Variants in CACNA1C observed in about 807,000 individuals in gnomAD.
CACNA1C encodes the protein calcium voltage-gated channel subunit alpha1 C.
A neutral mutation model predicts 229.0 loss-of-function variants in CACNA1C; 30 were observed. The observed-to-expected ratio is 0.13, with a 90% CI of 0.10 to 0.18. The LOEUF (loss-of-function observed/expected upper bound fraction) is 0.18. CACNA1C is among the 10% of genes least tolerant of loss of function. The pLI, the probability that CACNA1C is intolerant of heterozygous loss-of-function variation, is 1.00. For missense variants in CACNA1C, 1,658 were observed against 2,845.0 expected, an observed-to-expected ratio of 0.58 and a Z score of 9.49; for synonymous variants, 1,114 against 1,132.5, an observed-to-expected ratio of 0.98 and a Z score of 0.33.
At chr12:2,579,876 G>A (rs1345764690) in intron 13 of CACNA1C, among the ~76,000 whole-genome samples, 1 of 152,196 alleles carries the variant, frequency 6.6e-6, no homozygotes, top group East Asian at 1.9e-4. Flanking sequence ...ATAGGCATGA[G>A]CCACCACCAT....
intron 1 of CACNA1C, among the ~76,000 whole-genome samples, chr12:2,110,195 G>A (rs758012918): frequency 3.3e-5 from 5 of 152,228 alleles, no homozygotes; most frequent in African/African-American, 4.8e-5. Context: ...AATGACACGA[G>A]GCTGGCCAGA....
chr12:2,629,956 C>T (rs903383659), intron 29 of CACNA1C, among the ~76,000 whole-genome samples: 2 of 152,338 alleles, frequency 1.3e-5, no homozygotes, highest in East Asian at 1.9e-4. Context: ...AGAGGCCCAT[C>T]TTATGAACAC....
chr12:2,596,908 A>G (rs1371153125), intron 20 of CACNA1C, among the ~76,000 whole-genome samples: 1 of 152,124 alleles, frequency 6.6e-6, no homozygotes, highest in African/African-American at 2.4e-5. Context: ...TTTGTAAGTA[A>G]ATTGGATTAA....
At chr12:2,084,906 CGTT>C (rs1321240757) in intron 1 of CACNA1C, among the ~76,000 whole-genome samples, 5 of 152,126 alleles carry the variant, frequency 3.3e-5, no homozygotes, top group South Asian at 2.1e-4. Flanking sequence ...TATTTCATCT[CGTT>C]AGTGTGGACC....
intron 45 of CACNA1C, among the ~76,000 whole-genome samples, chr12:2,687,193 C>A (rs2097545462): frequency 6.6e-6 from 1 of 152,202 alleles, no homozygotes; most frequent in African/African-American, 2.4e-5. Context: ...ACCCAGGAGC[C>A]CCAGGCTGAG....
In CACNA1C at chr12:2,004,774, A is replaced by G. The variant is rs566648491; in HGVS notation, c.139+33573A>G. The G allele has an allele frequency of 5.1e-5, 14 of 274,132 alleles. No homozygotes were observed. The East Asian group carries it at 1.1e-3, about 22-fold the overall frequency. The allele number at this position is 274,132 out of a possible 1,614,324, so 17.0% of individuals were successfully genotyped here. ...TCTTGGATGTGTTCGACCCCTTGGC[A>G]TATCTTTTCTTTGGCGCTTCAGTGA... On this transcript the variant is annotated intron_variant, in intron 1 of 46. Coordinates refer to the CACNA1C transcript ENST00000682462.
intron 3 of CACNA1C, among the ~76,000 whole-genome samples, chr12:2,209,585 C>T (rs527785403): frequency 2.1e-4 from 32 of 152,182 alleles, no homozygotes; most frequent in Non-Finnish European, 3.4e-4. Context: ...ATAAAGAATC[C>T]GAATTATATT....
At position 2,678,866 on chromosome 12, in the gene CACNA1C, C is replaced by G. The variant is rs2096960506; in HGVS notation, c.5092-578C>G. On this transcript the variant is annotated intron_variant, in intron 41 of 46. Coordinates refer to ENST00000399655, the MANE Select transcript of CACNA1C (RefSeq NM_000719.7). This position sits in a 1 kb window ranked among gnomAD's most constrained non-coding sequence, Gnocchi z 4.1. ...CTTCCCCAGGACAAGGAAAAGAATA[C>G]TGGGGAAAAACATTGGCTCCTGGTT... 6.6e-6 allele frequency among the ~76,000 whole-genome samples: 1 copy of G among 152,214 alleles called. No homozygotes were observed. The highest frequency in any genetic ancestry group is 1.5e-5 in the Non-Finnish European group (1 of 68,036).
At chr12:2,070,581 A>G (rs2060812647) in intron 1 of CACNA1C, among the ~76,000 whole-genome samples, 1 of 152,190 alleles carries the variant, frequency 6.6e-6, no homozygotes, top group Non-Finnish European at 1.5e-5. Context: ...ATCTTTCTTC[A>G]GCAGTTTAAA....
At chr12:2,351,700 G>A (rs1252518629) in intron 3 of CACNA1C, among the ~76,000 whole-genome samples, 1 of 152,224 alleles carries the variant, frequency 6.6e-6, no homozygotes, top group Non-Finnish European at 1.5e-5. Flanking sequence ...CTGCCATGCT[G>A]CAGAAGGGAA....
intron 30 of CACNA1C, among the ~76,000 whole-genome samples, chr12:2,635,219 C>G (rs981008785): frequency 1.3e-5 from 2 of 152,148 alleles, no homozygotes; most frequent in East Asian, 1.9e-4. Context: ...CAGACAGCAC[C>G]CCAGCCTCTG....
chr12:2,265,726 G>A (rs1350406029), intron 3 of CACNA1C, among the ~76,000 whole-genome samples: 1 of 152,194 alleles, frequency 6.6e-6, no homozygotes, highest in Non-Finnish European at 1.5e-5. Flanking sequence ...GGATGAAGAC[G>A]CGGGGGCTCC....
intron 3 of CACNA1C, among the ~76,000 whole-genome samples, chr12:2,387,851 A>G (rs2098419484): frequency 6.6e-6 from 1 of 152,186 alleles, no homozygotes; most frequent in African/African-American, 2.4e-5. Flanking sequence ...TTTGGAAGCC[A>G]TTTTCAGGAG....
chr12:2,630,904 G>A lies in CACNA1C; in HGVS notation c.3829-3393G>A, dbSNP rs1161450500. Among the ~76,000 whole-genome samples, 2 of 152,112 alleles carry A rather than the reference G, an allele frequency of 1.3e-5. No individual in the cohort carries two copies. Among genetic ancestry groups the A allele is most frequent in the Non-Finnish European group, 2.9e-5 (2 of 68,016 alleles). On this transcript the variant is annotated intron_variant, in intron 29 of 46. Transcript: ENST00000399655. The surrounding 1 kb of genome is among the most constrained non-coding windows in gnomAD (Gnocchi z 5.4). ...AGCCCAGCCAGTGCCAATCCAGTGA[G>A]AGCCAGCGTGGAGCCATGGGAGGAG...
In CACNA1C at chr12:2,634,278, G is replaced by A; in HGVS notation, c.3829-19G>A. ...TTGGTTCTTCTTCTCTCTCTCCCCG[G>A]CTGCTCTGCCCCATGCAGCACTATT... On this transcript the variant is annotated intron_variant, in intron 29 of 46. Coordinates refer to ENST00000399655, the MANE Select transcript of CACNA1C (RefSeq NM_000719.7). 7.2e-7 allele frequency: 1 copy of A among 1,390,828 alleles called. No individual in the cohort carries two copies. Among genetic ancestry groups the A allele is most frequent in the East Asian group, 2.6e-5 (1 of 38,708 alleles). The allele number at this position is 1,390,828 out of a possible 1,614,324, so 86.2% of individuals were successfully genotyped here. A position where few individuals can be genotyped will look rare whatever the true frequency, so the allele number is the denominator to read the frequency against.
intron 11 of CACNA1C, among the ~76,000 whole-genome samples, chr12:2,557,928 G>A (rs1048368087): frequency 2.0e-5 from 3 of 152,232 alleles, no homozygotes; most frequent in South Asian, 4.1e-4. Context: ...GTGGACAGAT[G>A]TGTGCAGGGA....
Position 2,625,901 on chromosome 12 carries a change from TG to T in CACNA1C, c.3829-8395del, listed in dbSNP as rs1341171852. ...TGTGCCCAGGAGATGGAGGCTGCAA[TG>T]AAATATTATTGCAACACTGCACTCC... On this transcript the variant is annotated intron_variant, in intron 29 of 46. Coordinates refer to ENST00000399655, the MANE Select transcript of CACNA1C (RefSeq NM_000719.7). Among the ~76,000 whole-genome samples, 6 of 152,012 alleles carry T rather than the reference TG, an allele frequency of 3.9e-5. No homozygotes were observed. The East Asian group carries it at 1.2e-3, about 29-fold the overall frequency.
At chr12:2,617,148 CA>C (rs1306463997) in intron 29 of CACNA1C, among the ~76,000 whole-genome samples, 11 of 152,212 alleles carry the variant, frequency 7.2e-5, no homozygotes, top group Admixed American at 2.0e-4. Context: ...TCCGGTCCCC[CA>C]CCTGTTGTCC....
At chr12:2,626,920 T>C (rs943584964) in intron 29 of CACNA1C, among the ~76,000 whole-genome samples, 1 of 152,174 alleles carries the variant, frequency 6.6e-6, no homozygotes, top group Non-Finnish European at 1.5e-5. Context: ...AGTAAATAAA[T>C]GGACGAAGGC....
Sources: gnomAD v4.1 joint callset for allele counts (sites outside exome capture counted in the v4.1 genomes callset) on GRCh38, gnomAD v4.1.1 for gene constraint, Gnocchi (gnomAD v3.1) non-coding constraint, MANE v1.5 for transcripts, NCBI Gene and HGNC (gene_info 2026-07-23, HGNC 2026-07-21) for gene names.